Variants in FUT8 observed in about 807,000 individuals in gnomAD.
FUT8 encodes the protein alpha-(1,6)-fucosyltransferase.
A neutral mutation model predicts 71.3 loss-of-function variants in FUT8; 29 were observed. The observed-to-expected ratio is 0.41, with a 90% confidence interval of 0.30 to 0.55. The LOEUF (loss-of-function observed/expected upper bound fraction) is 0.55. Ranked by LOEUF, FUT8 falls within the 20% of genes least tolerant of loss-of-function variation. The pLI, the probability that FUT8 is intolerant of heterozygous loss-of-function variation, is 0.34. For missense variants in FUT8, 544 were observed against 702.1 expected (o/e 0.77, Z 2.55); for synonymous variants, 254 against 239.3 (o/e 1.06, Z -0.57).
chr14:65,470,794 C>G, intron 2 of FUT8, among the ~76,000 whole-genome samples: 1 of 151,966 alleles, frequency 6.6e-6, no homozygotes, highest in East Asian at 2.0e-4. Context: ...GGGCACCGCT[C>G]CCACTTCCTG....
At chr14:65,500,866 T>A (rs1217427460) in intron 2 of FUT8, among the ~76,000 whole-genome samples, 3 of 152,244 alleles carry the variant, frequency 2.0e-5, no homozygotes, top group Admixed American at 6.5e-5. Context: ...CTTTTCTTTA[T>A]GTTTTTCAGG....
intron 7 of FUT8, among the ~76,000 whole-genome samples, chr14:65,699,738 T>G (rs942249002): frequency 6.6e-6 from 1 of 152,224 alleles, no homozygotes; most frequent in African/African-American, 2.4e-5. Context: ...TTCTTTTCAT[T>G]TGAGCTAATT....
chr14:65,475,407 T>C (rs1423856444), intron 2 of FUT8, among the ~76,000 whole-genome samples: 1 of 152,160 alleles, frequency 6.6e-6, no homozygotes, highest in Admixed American at 6.5e-5. Flanking sequence ...CAATTCTAGT[T>C]CCTGGGCATG....
the FUT8 span, among the ~76,000 whole-genome samples, chr14:65,379,386 C>T: frequency 6.6e-6 from 1 of 152,002 alleles, no homozygotes; most frequent in African/African-American, 2.4e-5. Context: ...AAAAAACTAG[C>T]TGGGCATGGT....
chr14:65,722,647 C>T (rs1241454813), intron 8 of FUT8, among the ~76,000 whole-genome samples: 1 of 152,136 alleles, frequency 6.6e-6, no homozygotes, highest in Non-Finnish European at 1.5e-5. Context: ...TCGTTCTGCC[C>T]ACTTCATCTC....
At chr14:65,670,073 T>G (rs1357664290) in intron 7 of FUT8, among the ~76,000 whole-genome samples, 1 of 152,188 alleles carries the variant, frequency 6.6e-6, no homozygotes, top group Non-Finnish European at 1.5e-5. Flanking sequence ...CAGGAAACAT[T>G]TAATGAATAG....
At chr14:65,634,197 CTT>C (rs1890408952) in intron 6 of FUT8, among the ~76,000 whole-genome samples, 2 of 152,042 alleles carry the variant, frequency 1.3e-5, no homozygotes, top group Admixed American at 6.5e-5. Context: ...ACATGGGAGA[CTT>C]TTCATTTTGT....
chr14:65,666,911 T>G (rs1892244196), intron 6 of FUT8, among the ~76,000 whole-genome samples: 1 of 151,890 alleles, frequency 6.6e-6, no homozygotes, highest in African/African-American at 2.4e-5. Flanking sequence ...TAGGCAGAAC[T>G]AAAAACAAAA....
intron 3 of FUT8, among the ~76,000 whole-genome samples, chr14:65,570,180 G>C (rs1485806092): frequency 1.3e-5 from 2 of 152,000 alleles, no homozygotes; most frequent in Non-Finnish European, 2.9e-5. Flanking sequence ...GTCTAGCCTT[G>C]GAGCCATAGA....
chr14:65,490,884 G>A (rs182372613), intron 2 of FUT8, among the ~76,000 whole-genome samples: 67 of 152,176 alleles, frequency 4.4e-4, no homozygotes, highest in Non-Finnish European at 7.5e-4. Flanking sequence ...TTGATCATAA[G>A]ATACAATAAC....
intron 2 of FUT8, among the ~76,000 whole-genome samples, chr14:65,481,282 T>C (rs2066326715): frequency 6.6e-6 from 1 of 152,212 alleles, no homozygotes; most frequent in Non-Finnish European, 1.5e-5. Context: ...TTAAGTCCTT[T>C]GCCCACTGTT....
rs776199529 is a variant in FUT8, at chr14:65,669,278, G to A, written c.633G>A (p.Val211=). 1.2e-5 allele frequency: 20 copies of A among 1,613,674 alleles called. No individual in the cohort carries two copies. In the East Asian group the frequency reaches 4.2e-4, roughly 34 times the overall value. ...PKDCSKAKKL[V]CNINKGCGYG... is the part of the protein sequence containing the mutation. ...ACTGCAGCAAAGCCAAAAAGCTGGT[G>A]TGTAATATCAACAAAGGCTGTGGCT... is the stretch of plus-strand genomic sequence containing the variant. Residue 211 remains valine (V), a synonymous_variant, in exon 7 of 11, where the codon GTG becomes GTA. Coordinates refer to ENST00000673929, the MANE Select transcript of FUT8 (RefSeq NM_001371533.1). The surrounding 1 kb of genome is among the most constrained non-coding windows in gnomAD (Gnocchi z 4.5).
At chr14:65,604,526 G>A (rs1295774035) in intron 3 of FUT8, among the ~76,000 whole-genome samples, 2 of 151,750 alleles carry the variant, frequency 1.3e-5, no homozygotes, top group African/African-American at 2.4e-5. Flanking sequence ...GAAATCAAAC[G>A]GAAACTAAAA....
At position 65,472,192 on chromosome 14, in the gene FUT8, G is replaced by A. The variant is rs2066157727; in HGVS notation, c.-228+16474G>A. Among the ~76,000 whole-genome samples, 1 of 152,174 alleles carries A rather than the reference G, an allele frequency of 6.6e-6. No homozygotes were observed. Among genetic ancestry groups the A allele is most frequent in the Non-Finnish European group, 1.5e-5 (1 of 68,038 alleles). On this transcript the variant is annotated intron_variant, in intron 2 of 10. Transcript: ENST00000673929. This position sits in a 1 kb window ranked among gnomAD's most constrained non-coding sequence, Gnocchi z 4.4. ...GTGAGGGCCTTAGGCTACTTCCACT[G>A]ATAGCAGAAGGCAAAGAGGTGCCAG...
At chr14:65,581,031 C>T (rs1280151202) in intron 3 of FUT8, among the ~76,000 whole-genome samples, 2 of 151,996 alleles carry the variant, frequency 1.3e-5, no homozygotes, top group East Asian at 3.8e-4. Flanking sequence ...TTCTAGAGTC[C>T]ATTTAGCTTA....
chr14:65,687,856 C>CG (rs1893373625), intron 7 of FUT8, among the ~76,000 whole-genome samples: 1 of 45,610 alleles, frequency 2.2e-5, no homozygotes, highest in African/African-American at 5.8e-5. Context: ...ACCTCAACCA[C>CG]CGAGTAGCTG....
At chr14:65,684,003 T>C (rs1893159946) in intron 7 of FUT8, among the ~76,000 whole-genome samples, 2 of 151,962 alleles carry the variant, frequency 1.3e-5, no homozygotes, top group African/African-American at 2.4e-5. Flanking sequence ...AATCTCTTCT[T>C]TGAACATTTT....
At chr14:65,635,910 G>T (rs1207970544) in intron 6 of FUT8, among the ~76,000 whole-genome samples, 1 of 151,900 alleles carries the variant, frequency 6.6e-6, no homozygotes, top group East Asian at 1.9e-4. Context: ...GAAAGGATTG[G>T]TACCAATTCT....
intron 1 of FUT8, among the ~76,000 whole-genome samples, chr14:65,439,803 C>T (rs2065614198): frequency 6.6e-6 from 1 of 151,698 alleles, no homozygotes; most frequent in Non-Finnish European, 1.5e-5. Flanking sequence ...AAGTGCTGAG[C>T]ACTCTAGTTC....
Sources: allele counts gnomAD v4.1 joint callset (sites outside exome capture counted in the v4.1 genomes callset), GRCh38; gene constraint gnomAD v4.1.1; non-coding constraint Gnocchi (gnomAD v3.1); transcripts MANE v1.5; gene names NCBI Gene and HGNC (gene_info 2026-07-23, HGNC 2026-07-21).